Variants in KANSL1 observed in about 807,000 individuals in gnomAD.
The protein encoded by KANSL1 is MLL1/MLL complex subunit KANSL1.
KANSL1 carries 22 observed loss-of-function variants against 103.6 expected under a neutral mutation model. The ratio of observed to expected loss-of-function variants is 0.21; its 90% CI spans 0.15 to 0.30. The LOEUF (loss-of-function observed/expected upper bound fraction) is 0.30. Among genes scored for constraint, KANSL1 ranks in the 10% least tolerant of loss-of-function variants. The pLI is 1.00. For missense variants in KANSL1, 1,337 were observed against 1,399.8 expected (o/e 0.96, Z 0.72); for synonymous variants, 600 against 527.6 (o/e 1.14, Z -1.88).
intron 2 of KANSL1, among the ~76,000 whole-genome samples, chr17:46,111,593 G>A (rs1433978452): frequency 6.6e-6 from 1 of 152,170 alleles, no homozygotes; most frequent in African/African-American, 2.4e-5. Flanking sequence ...GATACGGATG[G>A]TATTTGAACT....
intron 2 of KANSL1, among the ~76,000 whole-genome samples, chr17:46,096,941 ATGT>A (rs1430870130): frequency 2.6e-5 from 4 of 152,106 alleles, no homozygotes; most frequent in African/African-American, 9.7e-5. Context: ...TTAATAAAAA[ATGT>A]TGTGGAGATG....
intron 1 of KANSL1, among the ~76,000 whole-genome samples, chr17:46,216,289 A>G (rs1373296772): frequency 6.6e-6 from 1 of 152,186 alleles, no homozygotes; most frequent in Non-Finnish European, 1.5e-5. Flanking sequence ...TGTTTTTAGG[A>G]GCAAAAGAGG....
At chr17:46,069,649 G>A (rs2078504358) in intron 4 of KANSL1, among the ~76,000 whole-genome samples, 2 of 152,052 alleles carry the variant, frequency 1.3e-5, no homozygotes, top group African/African-American at 4.8e-5. Flanking sequence ...GGAGGCTGAG[G>A]CACAAGAATC....
At chr17:46,060,350 C>G (rs1445825935) in intron 6 of KANSL1, among the ~76,000 whole-genome samples, 1 of 152,236 alleles carries the variant, frequency 6.6e-6, no homozygotes, top group East Asian at 1.9e-4. Context: ...TATCCCACAA[C>G]TGGCTCTTGA....
rs1330337509 is a variant in KANSL1 at position 46,172,175 on chromosome 17, C to CCCGATG, written c.-38_-33dup. ...CAGAGAGACAGGAAGTCCAGCCTCT[C>CCCGATG]CCGATGCCGAGGCCGAGGCCAGCTC... On this transcript the variant is annotated 5_prime_UTR_variant, in exon 2 of 15. Coordinates refer to ENST00000432791, the MANE Select transcript of KANSL1 (RefSeq NM_015443.4). 4.4e-6 allele frequency: 7 copies of CCCGATG among 1,588,550 alleles called. No homozygotes were observed. Among genetic ancestry groups the CCCGATG allele is most frequent in the South Asian group, 3.3e-5 (3 of 90,104 alleles).
At chr17:46,133,058 C>T (rs1043041223) in intron 2 of KANSL1, among the ~76,000 whole-genome samples, 1 of 152,186 alleles carries the variant, frequency 6.6e-6, no homozygotes, top group Admixed American at 6.5e-5. Flanking sequence ...CCAGGGTGAC[C>T]ACTTTTTACA....
intron 6 of KANSL1, among the ~76,000 whole-genome samples, chr17:46,052,376 G>A (rs201455599): frequency 3.9e-5 from 6 of 152,220 alleles, no homozygotes; most frequent in African/African-American, 7.2e-5. Flanking sequence ...AGGCCAAGGC[G>A]GGTGGATCAC....
chr17:46,127,448 C>A (rs1054221202), intron 2 of KANSL1, among the ~76,000 whole-genome samples: 15 of 152,158 alleles, frequency 9.9e-5, no homozygotes, highest in African/African-American at 3.6e-4. Flanking sequence ...TTACCAGATC[C>A]CGCTCCGGCA....
intron 1 of KANSL1, among the ~76,000 whole-genome samples, chr17:46,212,602 T>G (rs961446903): frequency 6.6e-6 from 1 of 152,254 alleles, no homozygotes; most frequent in African/African-American, 2.4e-5. Context: ...TAAATCTTGC[T>G]GCTCATTTAG....
At chr17:46,047,802 TA>T (rs66740033) in intron 7 of KANSL1, among the ~76,000 whole-genome samples, 34,006 of 119,882 alleles carry the variant, frequency 0.28, 5,333 homozygotes, top group East Asian at 0.85. Context: ...AAATAAAAAT[TA>T]AAAAAAAAAA....
chr17:46,078,817 C>T (rs774303666), intron 4 of KANSL1, among the ~76,000 whole-genome samples: 36 of 152,318 alleles, frequency 2.4e-4, no homozygotes, highest in Admixed American at 3.3e-4. Context: ...TGTTTCAATA[C>T]ACTAGAGAAC....
chr17:46,112,368 CAAAAAAAAAAA>C lies in KANSL1; in HGVS notation c.1290-17678_1290-17668del, dbSNP rs34480982. 6.7e-3 allele frequency among the ~76,000 whole-genome samples: 341 copies of C among 51,126 alleles called. 7 individuals carry two copies. Among genetic ancestry groups the C allele is most frequent in the African/African-American group, 0.029 (325 of 11,268 alleles). 33.5% of individuals were successfully genotyped at this position (51,126 alleles called of 152,430 possible). A position where few individuals can be genotyped will look rare whatever the true frequency, so the allele number is the denominator to read the frequency against. ...GGGTGAAAAGAGTGAAACTCTGTCT[CAAAAAAAAAAA>C]AAAAAAAAAAAAAAAAGAATCCAGA... On this transcript the variant is annotated intron_variant, in intron 2 of 14. Coordinates refer to ENST00000432791, the MANE Select transcript of KANSL1 (RefSeq NM_015443.4).
chr17:46,106,527 G>C (rs141043182), intron 2 of KANSL1, among the ~76,000 whole-genome samples: 3,929 of 152,164 alleles, frequency 0.026, 172 homozygotes, highest in African/African-American at 0.09. Flanking sequence ...CGAGTAGCTG[G>C]GATTACAGGC....
intron 4 of KANSL1, among the ~76,000 whole-genome samples, chr17:46,070,259 A>T (rs2078526917): frequency 6.6e-6 from 1 of 152,190 alleles, no homozygotes; most frequent in African/African-American, 2.4e-5. Flanking sequence ...TCAAAATATT[A>T]AAAAGAATCA....
At chr17:46,210,753 G>C (rs2048142899) in intron 1 of KANSL1, among the ~76,000 whole-genome samples, 1 of 152,188 alleles carries the variant, frequency 6.6e-6, no homozygotes, top group African/African-American at 2.4e-5. Context: ...AAAAATAAGG[G>C]AACGGAGTGA....
At chr17:46,199,385 A>C (rs1446310880) in intron 1 of KANSL1, among the ~76,000 whole-genome samples, 6 of 152,260 alleles carry the variant, frequency 3.9e-5, no homozygotes, top group Non-Finnish European at 8.8e-5. Flanking sequence ...GTAGAAGAAA[A>C]TCCTCATACT....
At chr17:46,146,832 CAAAAAAAAA>C (rs1023164178) in intron 2 of KANSL1, among the ~76,000 whole-genome samples, 3 of 37,326 alleles carry the variant, frequency 8.0e-5, no homozygotes, top group East Asian at 2.2e-3. Flanking sequence ...GACTCCGTCT[CAAAAAAAAA>C]AAAAAAAAAA....
intron 1 of KANSL1, among the ~76,000 whole-genome samples, chr17:46,178,420 G>A (rs1330399515): frequency 2.0e-5 from 3 of 152,214 alleles, no homozygotes; most frequent in African/African-American, 7.2e-5. Context: ...TGGGGATAAA[G>A]TCAGACTGTA....
Position 46,207,520 on chromosome 17 carries a change from A to G in KANSL1, c.-90+16151T>C, listed in dbSNP as rs547217510. On this transcript the variant is annotated intron_variant, in intron 1 of 14. Transcript: ENST00000572904. The stretch of plus-strand genomic sequence containing the variant: ...CAAGACTCCATCTCCAAAAAAAAAA[A>G]AAAAGAAAAGAAAACTGCGATTGGC... Among the ~76,000 whole-genome samples, 5 of 112,318 alleles carry G rather than the reference A, an allele frequency of 4.5e-5. No individual in the cohort carries two copies. In the South Asian group the frequency reaches 7.3e-4, roughly 16 times the overall value. 73.7% of individuals were successfully genotyped at this position (112,318 alleles called of 152,430 possible).
Sources: allele counts gnomAD v4.1 joint callset (sites outside exome capture counted in the v4.1 genomes callset), GRCh38; gene constraint gnomAD v4.1.1; transcripts MANE v1.5; gene names NCBI Gene and HGNC (gene_info 2026-07-23, HGNC 2026-07-21).